The following TMEM74 variants were observed in gnomAD, a reference collection of about 807,000 sequenced individuals.
TMEM74 encodes the protein transmembrane protein 74.
In TMEM74, 13 loss-of-function variants were observed where a neutral mutation model predicts 18.1. The observed-to-expected ratio is 0.72, with a 90% confidence interval of 0.47 to 1.14. The LOEUF (loss-of-function observed/expected upper bound fraction) is 1.14, where lower values mean the gene tolerates loss of function less well. Ranked by LOEUF, TMEM74 falls within the 50% of genes most tolerant of loss-of-function variation. TMEM74 has a pLI of 0.00. For synonymous variants in TMEM74, 159 were observed against 146.6 expected, an observed-to-expected ratio of 1.08 and a Z score of -0.61; for missense variants, 372 against 375.9, an observed-to-expected ratio of 0.99 and a Z score of 0.09.
intron 2 of TMEM74, among the ~76,000 whole-genome samples, chr8:108,653,607 A>G (rs1812794685): frequency 6.6e-6 from 1 of 152,178 alleles, no homozygotes; most frequent in Non-Finnish European, 1.5e-5. Context: ...ATATATCATT[A>G]TATGTGAAAC....
intron 1 of TMEM74, among the ~76,000 whole-genome samples, chr8:108,729,331 C>T (rs1012362254): frequency 6.6e-6 from 1 of 152,188 alleles, no homozygotes; most frequent in Non-Finnish European, 1.5e-5. Flanking sequence ...GGTCAAGTCC[C>T]TCTTATACTT....
rs190691164 is a variant in TMEM74, at chr8:108,741,131, A to G, written n.119+46345T>C. Among the ~76,000 whole-genome samples the G allele has an allele frequency of 3.9e-5, 6 of 152,312 alleles. No homozygotes were observed. In the East Asian group the frequency reaches 1.2e-3, roughly 29 times the overall value. On this transcript the variant is annotated intron_variant and non_coding_transcript_variant, in intron 1 of 3. Coordinates refer to the TMEM74 transcript ENST00000518838. ...TATTTTTATAATACAAAAAAGCAAA[A>G]TTATACAATATATTGTTTAGGTATA...
chr8:108,658,451 G>A (rs1325390810), intron 1 of TMEM74, among the ~76,000 whole-genome samples: 2 of 152,118 alleles, frequency 1.3e-5, no homozygotes, highest in Non-Finnish European at 2.9e-5. Flanking sequence ...TTAGAAATGA[G>A]AGAAATGAGT....
intron 1 of TMEM74, among the ~76,000 whole-genome samples, chr8:108,670,034 TGAAA>T (rs1812987725): frequency 8.8e-5 from 10 of 113,940 alleles, no homozygotes; most frequent in Admixed American, 3.0e-4. Flanking sequence ...TAAGATTCTG[TGAAA>T]AAAAAAAAAA....
At chr8:108,701,376 C>T (rs1813333374) in intron 1 of TMEM74, among the ~76,000 whole-genome samples, 1 of 152,104 alleles carries the variant, frequency 6.6e-6, no homozygotes, top group Non-Finnish European at 1.5e-5. Flanking sequence ...CAACATCATA[C>T]TGAAAATCCT....
chr8:108,718,061 C>T (rs1813546295), intron 1 of TMEM74, among the ~76,000 whole-genome samples: 1 of 85,394 alleles, frequency 1.2e-5, no homozygotes, highest in Non-Finnish European at 2.0e-5. Flanking sequence ...CGGGTTCACG[C>T]CATTCTCCCG....
chr8:108,698,624 C>G (rs1057235477), intron 1 of TMEM74, among the ~76,000 whole-genome samples: 1 of 152,142 alleles, frequency 6.6e-6, no homozygotes, highest in Non-Finnish European at 1.5e-5. Context: ...TACACAGAAA[C>G]ATGGTTATCA....
At chr8:108,668,732 G>A (rs1375100725) in intron 1 of TMEM74, among the ~76,000 whole-genome samples, 2 of 152,068 alleles carry the variant, frequency 1.3e-5, no homozygotes, top group African/African-American at 2.4e-5. Context: ...CTGATATATC[G>A]GGGAAGTTTG....
intron 2 of TMEM74, among the ~76,000 whole-genome samples, chr8:108,654,118 A>G (rs1340708641): frequency 6.6e-6 from 1 of 152,088 alleles, no homozygotes; most frequent in Non-Finnish European, 1.5e-5. Context: ...TTATTTATTT[A>G]TTTTTTATTT....
At chr8:108,627,467 A>T (rs1357658573) in intron 2 of TMEM74, among the ~76,000 whole-genome samples, 1 of 152,014 alleles carries the variant, frequency 6.6e-6, no homozygotes, top group African/African-American at 2.4e-5. Context: ...GCTAATCATG[A>T]CCGCCTATGG....
rs1030781412 is a variant in TMEM74, at chr8:108,683,780, T to C, written n.120-28343A>G. On this transcript the variant is annotated intron_variant and non_coding_transcript_variant, in intron 1 of 3. Coordinates refer to the TMEM74 transcript ENST00000518838. ...TCCCTCTACCCTTCCCAGTCTCTGG[T>C]ATCCTCTATTCTACTCTTTACTTCT... Among the ~76,000 whole-genome samples the C allele has an allele frequency of 5.3e-5, 8 of 152,138 alleles. No homozygotes were observed. In the East Asian group the frequency reaches 9.6e-4, roughly 18 times the overall value.
rs1471021593 is a variant in TMEM74 at position 108,756,696 on chromosome 8, G to GA, written n.119+30779dup. Among the ~76,000 whole-genome samples the GA allele has an allele frequency of 1.9e-3, 188 of 97,954 alleles. 4 individuals carry two copies. Among genetic ancestry groups the GA allele is most frequent in the Middle Eastern group, 5.7e-3 (1 of 174 alleles). 64.3% of individuals were successfully genotyped at this position (97,954 alleles called of 152,430 possible). ...AGAAAGAAAGAAAGAAAGAAAGAAA[G>GA]AAGGAAGGAAAGAAAGAAAGAAAGA... On this transcript the variant is annotated intron_variant and non_coding_transcript_variant, in intron 1 of 3. Transcript: ENST00000518838.
intron 1 of TMEM74, among the ~76,000 whole-genome samples, chr8:108,694,819 G>A (rs1290358297): frequency 1.3e-5 from 2 of 152,206 alleles, no homozygotes; most frequent in African/African-American, 2.4e-5. Flanking sequence ...ACTTGGTGCT[G>A]GGACATGATG....
chr8:108,730,898 G>A (rs1813687875), intron 1 of TMEM74, among the ~76,000 whole-genome samples: 1 of 152,146 alleles, frequency 6.6e-6, no homozygotes, highest in South Asian at 2.1e-4. Flanking sequence ...CCAAAGTGCT[G>A]GGATTACAGG....
At chr8:108,608,298 CAAA>C (rs374774953) in intron 3 of TMEM74, among the ~76,000 whole-genome samples, 5 of 72,586 alleles carry the variant, frequency 6.9e-5, no homozygotes, top group Admixed American at 1.3e-4. Context: ...AAGACTCTGT[CAAA>C]AAAAAAAAAA....
At chr8:108,628,294 T>C (rs1812516311) in intron 2 of TMEM74, among the ~76,000 whole-genome samples, 1 of 152,026 alleles carries the variant, frequency 6.6e-6, no homozygotes, top group Admixed American at 6.6e-5. Flanking sequence ...TTTGTCTGTA[T>C]TTGCACTCAA....
chr8:108,643,837 A>G (rs1812690210), intron 2 of TMEM74, among the ~76,000 whole-genome samples: 1 of 152,188 alleles, frequency 6.6e-6, no homozygotes, highest in African/African-American at 2.4e-5. Context: ...AACACTGCTG[A>G]AAGAAATCAG....
chr8:108,747,209 A>G lies in TMEM74; in HGVS notation n.119+40267T>C, dbSNP rs1277695698. On this transcript the variant is annotated intron_variant and non_coding_transcript_variant, in intron 1 of 3. Transcript: ENST00000518838. ...TGTCCAAATTGAGTCAAATTTTGGG[A>G]CACCCAGCTGATGTCAGGGAATTGG... Among the ~76,000 whole-genome samples the G allele has an allele frequency of 2.6e-5, 4 of 152,024 alleles. No individual in the cohort carries two copies. In the South Asian group the frequency reaches 6.2e-4, roughly 24 times the overall value.
At chr8:108,764,339 A>G (rs1814077745) in intron 1 of TMEM74, among the ~76,000 whole-genome samples, 1 of 152,192 alleles carries the variant, frequency 6.6e-6, no homozygotes, top group South Asian at 2.1e-4. Context: ...AAACACTAAA[A>G]CTAAAACAAA....
Sources: allele counts gnomAD v4.1 joint callset (sites outside exome capture counted in the v4.1 genomes callset), GRCh38; gene constraint gnomAD v4.1.1; transcripts MANE v1.5; gene names NCBI Gene and HGNC (gene_info 2026-07-23, HGNC 2026-07-21).